CLASP2: variants seen among roughly 807,000 people sequenced by gnomAD.
CLASP2 encodes the protein cytoplasmic linker associated protein 2.
Under a neutral mutation model 194.4 loss-of-function variants are expected in CLASP2, and 47 were observed. The observed-to-expected ratio is 0.24, with a 90% confidence interval of 0.19 to 0.31. The LOEUF is 0.31. Ranked by LOEUF, CLASP2 falls within the 10% of genes least tolerant of loss-of-function variation. The pLI, the probability that CLASP2 is intolerant of heterozygous loss-of-function variation, is 1.00. For missense variants in CLASP2, 1,445 were observed against 1,823.6 expected, an observed-to-expected ratio of 0.79 and a Z score of 3.78; for synonymous variants, 619 against 633.5, an observed-to-expected ratio of 0.98 and a Z score of 0.34.
chr3:33,663,197 C>CAAAAAAAAAAAAAAAAAAAAAAAAAA (rs60671856), intron 7 of CLASP2, among the ~76,000 whole-genome samples: 2 of 100,770 alleles, frequency 2.0e-5, no homozygotes, highest in African/African-American at 3.8e-5. Flanking sequence ...GCAGTATCAC[C>CAAAAAAAAAAAAAAAAAAAAAAAAAA]AAAAAAAAAA....
chr3:33,615,216 A>G (rs1256483460), intron 12 of CLASP2, among the ~76,000 whole-genome samples: 1 of 152,146 alleles, frequency 6.6e-6, no homozygotes, highest in Non-Finnish European at 1.5e-5. Flanking sequence ...GTAAAAAACT[A>G]CAGTTAATTA....
intron 23 of CLASP2, among the ~76,000 whole-genome samples, chr3:33,581,032 G>GAAAAAAAAAAAAAAAAAA (rs1363680403): frequency 2.2e-5 from 3 of 137,382 alleles, no homozygotes; most frequent in Non-Finnish European, 3.1e-5. Flanking sequence ...AAAAAAAAAA[G>GAAAAAAAAAAAAAAAAAA]AAAGAAAGAA....
chr3:33,631,711 A>G (rs2079117484), intron 9 of CLASP2, among the ~76,000 whole-genome samples: 1 of 151,966 alleles, frequency 6.6e-6, no homozygotes. Flanking sequence ...AAAAAAAAAA[A>G]AATTCATTGC....
intron 27 of CLASP2, among the ~76,000 whole-genome samples, chr3:33,564,394 G>A (rs994334466): frequency 6.6e-6 from 1 of 152,018 alleles, no homozygotes; most frequent in Admixed American, 6.6e-5. Context: ...TAGCTACTTC[G>A]AATAAGCCCT....
chr3:33,583,357 A>G (rs927123284), intron 22 of CLASP2, among the ~76,000 whole-genome samples: 3 of 152,206 alleles, frequency 2.0e-5, no homozygotes, highest in African/African-American at 7.2e-5. Flanking sequence ...ATAAGTAAAT[A>G]ACTGGTAGGA....
chr3:33,498,405 A>T lies in CLASP2; in HGVS notation c.*226T>A. ...AAAATTACTTTGTGTCGATCAATTG[A>T]TGTTAATACTGCTTCTTCTTGAATT... On this transcript the variant is annotated 3_prime_UTR_variant, in exon 39 of 39. Coordinates refer to ENST00000682230, the MANE Select transcript of CLASP2 (RefSeq NM_001365631.1). 2.4e-6 allele frequency: 1 copy of T among 422,084 alleles called. No homozygotes were observed. The allele number at this position is 422,084 out of a possible 1,614,324, so 26.1% of individuals were successfully genotyped here. A position where few individuals can be genotyped will look rare whatever the true frequency, so the allele number is the denominator to read the frequency against.
intron 32 of CLASP2, among the ~76,000 whole-genome samples, chr3:33,540,167 T>G (rs1484322942): frequency 6.6e-6 from 1 of 151,564 alleles, no homozygotes; most frequent in African/African-American, 2.4e-5. Context: ...TGACCTCAGG[T>G]GATCTGCCCA....
At chr3:33,529,747 C>T (rs111866981) in intron 34 of CLASP2, among the ~76,000 whole-genome samples, 113 of 151,598 alleles carry the variant, frequency 7.5e-4, no homozygotes, top group African/African-American at 2.4e-3. Context: ...TTTGGGAGGC[C>T]GAGGCGGGTG....
chr3:33,586,614 C>T (rs546450228), intron 21 of CLASP2, among the ~76,000 whole-genome samples: 1 of 152,208 alleles, frequency 6.6e-6, no homozygotes, highest in East Asian at 1.9e-4. Context: ...AATCAAAGCA[C>T]TTTATGTCTA....
intron 18 of CLASP2, among the ~76,000 whole-genome samples, chr3:33,597,504 T>C (rs950026302): frequency 1.3e-5 from 2 of 152,166 alleles, no homozygotes; most frequent in African/African-American, 4.8e-5. Flanking sequence ...CACTGAACTC[T>C]GCTACAGTTT....
At chr3:33,510,211 G>C (rs1249844212) in intron 37 of CLASP2, among the ~76,000 whole-genome samples, 2 of 152,158 alleles carry the variant, frequency 1.3e-5, no homozygotes, top group Non-Finnish European at 2.9e-5. Context: ...AGGTGCTGGG[G>C]GGGATGAAGG....
chr3:33,659,504 T>TA, intron 7 of CLASP2: 2 of 625,662 alleles, frequency 3.2e-6, no homozygotes, highest in Non-Finnish European at 2.0e-6. Flanking sequence ...CTTTTGTCGT[T>TA]ACCTTTTAAT....
At position 33,706,315 on chromosome 3, in the gene CLASP2, T is replaced by C. The variant is rs556822680; in HGVS notation, c.196-9382A>G. 3.3e-5 allele frequency among the ~76,000 whole-genome samples: 5 copies of C among 152,292 alleles called. No individual in the cohort carries two copies. The South Asian group carries it at 1.0e-3, about 32-fold the overall frequency. On this transcript the variant is annotated intron_variant, in intron 1 of 38. Transcript: ENST00000682230. The stretch of plus-strand genomic sequence containing the variant: ...TAAAGTTTTAACGGTGAGAACAGGA[T>C]ACAAGGAACAGAGAAAGAAACTAGA...
chr3:33,709,684 G>C (rs1173386177), intron 1 of CLASP2, among the ~76,000 whole-genome samples: 1 of 152,096 alleles, frequency 6.6e-6, no homozygotes, highest in African/African-American at 2.4e-5. Flanking sequence ...CTGACACCTT[G>C]ATTTTATCCC....
intron 1 of CLASP2, among the ~76,000 whole-genome samples, chr3:33,705,559 G>A (rs1329447063): frequency 6.6e-6 from 1 of 152,058 alleles, no homozygotes; most frequent in African/African-American, 2.4e-5. Flanking sequence ...GATATCAATA[G>A]AGCTGTTAAA....
rs566311938 is a variant in CLASP2, at chr3:33,603,113, C to T, written c.1763G>A (p.Ser588Asn). The change falls in exon 18 of 39, where the codon AGC becomes AAC. Residue 588 changes from serine (S) to asparagine (N), a missense_variant. This residue lies in a region of CLASP2 where 174 missense variants were observed against 179.0 expected (regional missense o/e 0.97). Transcript: ENST00000682230. ...TCCTGGAAGGGAACTGGCTTTGCTG[C>T]TGCCTGCTGATACTACGAAATACAA... is the stretch of plus-strand genomic sequence containing the variant. Reference protein sequence around the residue: ...STVAGRVSAGSSKASSLPGSL... With the variant: ...STVAGRVSAGNSKASSLPGSL... 98 of 1,577,754 alleles carry T rather than the reference C, an allele frequency of 6.2e-5. No individual in the cohort carries two copies. In the South Asian group the frequency reaches 1.0e-3, roughly 16 times the overall value.
intron 12 of CLASP2, among the ~76,000 whole-genome samples, chr3:33,615,315 TA>T (rs2075922024): frequency 7.1e-6 from 1 of 141,348 alleles, no homozygotes; most frequent in African/African-American, 2.6e-5. Flanking sequence ...GTATACTTTT[TA>T]AAAGGCAGAG....
At chr3:33,626,626 G>A (rs1187323091) in intron 10 of CLASP2, among the ~76,000 whole-genome samples, 1 of 152,072 alleles carries the variant, frequency 6.6e-6, no homozygotes, top group African/African-American at 2.4e-5. Flanking sequence ...CAGGTAAAGT[G>A]AACTGCTTTA....
intron 9 of CLASP2, among the ~76,000 whole-genome samples, chr3:33,629,044 G>A (rs1014353025): frequency 6.6e-6 from 1 of 152,094 alleles, no homozygotes; most frequent in Admixed American, 6.5e-5. Context: ...TGATTTTGGT[G>A]CCTCAACGAT....
Sources: gnomAD v4.1 joint callset for allele counts (sites outside exome capture counted in the v4.1 genomes callset) on GRCh38, gnomAD v4.1.1 for gene constraint, gnomAD v4.1.1 regional missense constraint, MANE v1.5 for transcripts, NCBI Gene and HGNC (gene_info 2026-07-23, HGNC 2026-07-21) for gene names.